KANK1: variants seen among roughly 807,000 people sequenced by gnomAD.
The protein encoded by KANK1 is KN motif and ankyrin repeat domain-containing protein 1.
In KANK1, 109 loss-of-function variants were observed where a neutral mutation model predicts 106.2. That is an observed-to-expected ratio of 1.03 (90% confidence interval 0.88 to 1.20). KANK1 has a LOEUF of 1.20. Ranked by LOEUF, KANK1 falls within the 50% of genes most tolerant of loss-of-function variation. The pLI, the probability that KANK1 is intolerant of heterozygous loss-of-function variation, is 0.00. For missense variants in KANK1, 2,399 were observed against 1,710.7 expected, an observed-to-expected ratio of 1.40 and a Z score of -7.10; for synonymous variants, 873 against 652.2, an observed-to-expected ratio of 1.34 and a Z score of -5.16.
At chr9:511,590 A>G (rs550696513) in intron 1 of KANK1, among the ~76,000 whole-genome samples, 2 of 152,338 alleles carry the variant, frequency 1.3e-5, no homozygotes, top group South Asian at 2.1e-4. Context: ...GTCCAGACTC[A>G]AGAACACTTA....
chr9:586,963 A>G (rs1453635887), intron 1 of KANK1, among the ~76,000 whole-genome samples: 1 of 152,206 alleles, frequency 6.6e-6, no homozygotes, highest in Non-Finnish European at 1.5e-5. Context: ...AAGCCTAAAA[A>G]TGAGTATTGT....
chr9:483,938 A>G (rs893765340), intron 3 of KANK1, among the ~76,000 whole-genome samples: 3 of 152,226 alleles, frequency 2.0e-5, no homozygotes, highest in Admixed American at 2.0e-4. Context: ...TGAAGAGAAG[A>G]TACCCCATAA....
intron 3 of KANK1, among the ~76,000 whole-genome samples, chr9:717,049 C>G (rs1177950757): frequency 6.6e-6 from 1 of 151,942 alleles, no homozygotes; most frequent in Non-Finnish European, 1.5e-5. Context: ...ATTCTGAGAG[C>G]TGAGGCTGGC....
chr9:729,485 CAA>C (rs1200156901), intron 3 of KANK1, among the ~76,000 whole-genome samples: 2 of 152,180 alleles, frequency 1.3e-5, no homozygotes, highest in Admixed American at 1.3e-4. Flanking sequence ...TGCCAGGAAA[CAA>C]GAGACCCGCA....
intron 1 of KANK1, among the ~76,000 whole-genome samples, chr9:572,672 G>T (rs772592037): frequency 9.9e-5 from 15 of 152,074 alleles, no homozygotes; most frequent in Non-Finnish European, 1.9e-4. Context: ...ATTACAATAT[G>T]GACATAAGCC....
intron 1 of KANK1, among the ~76,000 whole-genome samples, chr9:602,792 C>G (rs1157564912): frequency 6.6e-6 from 1 of 151,838 alleles, no homozygotes; most frequent in Non-Finnish European, 1.5e-5. Context: ...AGTATAACTT[C>G]TTTTGACTGC....
intron 1 of KANK1, among the ~76,000 whole-genome samples, chr9:528,469 CTTTTTTTTTTTTTTTTT>C (rs36072780): frequency 1.2e-5 from 1 of 85,084 alleles, no homozygotes; most frequent in African/African-American, 4.2e-5. Flanking sequence ...TAAAAAATAA[CTTTTTTTTTTTTTTTTT>C]TTTTTTTTTT....
chr9:659,688 G>A (rs1466506306), intron 1 of KANK1, among the ~76,000 whole-genome samples: 1 of 151,832 alleles, frequency 6.6e-6, no homozygotes, highest in Non-Finnish European at 1.5e-5. Context: ...TATGTGGTGG[G>A]AGCAGGAGAA....
chr9:554,417 A>G (rs1484397701), intron 1 of KANK1, among the ~76,000 whole-genome samples: 2 of 152,220 alleles, frequency 1.3e-5, no homozygotes, highest in African/African-American at 2.4e-5. Context: ...ACACCCATCC[A>G]CACTGATGAG....
chr9:506,777 G>T (rs1157913555), intron 1 of KANK1, among the ~76,000 whole-genome samples: 1 of 152,142 alleles, frequency 6.6e-6, no homozygotes, highest in Non-Finnish European at 1.5e-5. Context: ...GTGGGAGGAG[G>T]AGGATGGAAA....
intron 1 of KANK1, among the ~76,000 whole-genome samples, chr9:627,768 T>G (rs1393251750): frequency 6.6e-6 from 1 of 152,228 alleles, no homozygotes; most frequent in Non-Finnish European, 1.5e-5. Flanking sequence ...TATCCTGTCT[T>G]GGATTGGTGG....
chr9:725,013 G>A (rs548295079), intron 3 of KANK1, among the ~76,000 whole-genome samples: 11 of 152,264 alleles, frequency 7.2e-5, no homozygotes, highest in Admixed American at 3.9e-4. Context: ...AGTGTGAAAC[G>A]TTGTTTGGAC....
rs763262878 is a variant in KANK1 at position 738,218 on chromosome 9, G to T, written c.3334-67G>T. On this transcript the variant is annotated intron_variant, in intron 7 of 11. Transcript: ENST00000382297. ...TTGACTATAAAAGGACAGGTTACTT[G>T]TGCTTTCAACTAGGTCTCAGAAAGT... The T allele has an allele frequency of 8.4e-6, 11 of 1,312,502 alleles. No homozygotes were observed. The highest frequency in any genetic ancestry group is 1.2e-5 in the Non-Finnish European group (11 of 935,086). 81.3% of individuals were successfully genotyped at this position (1,312,502 alleles called of 1,614,324 possible).
Position 711,767 on chromosome 9 carries a change from A to G in KANK1, c.1001A>G (p.Gln334Arg). The G allele has an allele frequency of 6.2e-7, 1 of 1,614,234 alleles. No homozygotes were observed. The highest frequency in any genetic ancestry group is 8.5e-7 in the Non-Finnish European group (1 of 1,180,028). Residue 334 changes from glutamine to arginine, a missense_variant, in exon 3 of 12, where the codon CAG becomes CGG. By Grantham distance (43) the Gln-to-Arg change is conservative (BLOSUM62 1). Transcript: ENST00000382297. Reference protein sequence around the residue: ...YSAGNASQLEQLSRARRSGGE... With the variant: ...YSAGNASQLERLSRARRSGGE... ...GCGGGGAACGCCTCCCAGCTGGAACAGCTCTCCCGGGCCCGAAGAAGTGGC... is the reference window on the plus strand; with the variant it reads ...GCGGGGAACGCCTCCCAGCTGGAACGGCTCTCCCGGGCCCGAAGAAGTGGC...
At chr9:544,689 AG>A (rs1261239212) in intron 1 of KANK1, among the ~76,000 whole-genome samples, 2 of 151,910 alleles carry the variant, frequency 1.3e-5, no homozygotes, top group African/African-American at 2.4e-5. Flanking sequence ...TGGAGGTCGT[AG>A]TTGAAGCTGA....
intron 1 of KANK1, among the ~76,000 whole-genome samples, chr9:661,742 C>T (rs1362687213): frequency 6.6e-6 from 1 of 152,160 alleles, no homozygotes; most frequent in East Asian, 1.9e-4. Flanking sequence ...CTCCCACCAA[C>T]TGTGTAAAAG....
At chr9:646,325 A>C (rs891241724) in intron 1 of KANK1, among the ~76,000 whole-genome samples, 4 of 150,524 alleles carry the variant, frequency 2.7e-5, no homozygotes, top group African/African-American at 1.0e-4. Flanking sequence ...AGCAAGACCT[A>C]TATCTACCTA....
chr9:605,296 G>A (rs1472047573), intron 1 of KANK1, among the ~76,000 whole-genome samples: 2 of 90,386 alleles, frequency 2.2e-5, no homozygotes, highest in South Asian at 4.2e-4. Context: ...GTGAGACTCC[G>A]TCTCAAAAAA....
chr9:637,914 A>G (rs753046868), intron 1 of KANK1, among the ~76,000 whole-genome samples: 24 of 152,186 alleles, frequency 1.6e-4, no homozygotes, highest in Non-Finnish European at 2.5e-4. Context: ...CAGTGGTTCA[A>G]TGAAACCATC....
Sources: allele counts gnomAD v4.1 joint callset (sites outside exome capture counted in the v4.1 genomes callset), GRCh38; gene constraint gnomAD v4.1.1; transcripts MANE v1.5; gene names NCBI Gene and HGNC (gene_info 2026-07-23, HGNC 2026-07-21).